ROBO2: variants seen among roughly 807,000 people sequenced by gnomAD.
ROBO2 encodes roundabout homolog 2.
A neutral mutation model predicts 160.8 loss-of-function variants in ROBO2; 53 were observed. The observed-to-expected ratio is 0.33, with a 90% CI of 0.26 to 0.41. ROBO2 has a LOEUF of 0.41. Ranked by LOEUF, ROBO2 falls within the 10% of genes least tolerant of loss-of-function variation. The probability of loss-of-function intolerance (pLI) is 1.00; values close to 1 mark genes in which losing one functional copy is unlikely to be tolerated. For missense variants in ROBO2, 1,577 were observed against 1,722.4 expected (o/e 0.92, Z 1.49); for synonymous variants, 664 against 611.7 (o/e 1.09, Z -1.26).
intron 2 of ROBO2, among the ~76,000 whole-genome samples, chr3:76,010,237 T>A (rs963958845): frequency 2.0e-5 from 3 of 152,204 alleles, no homozygotes; most frequent in Non-Finnish European, 4.4e-5. Flanking sequence ...ATAATTATGA[T>A]AAGGACTCCT....
intron 2 of ROBO2, among the ~76,000 whole-genome samples, chr3:76,810,860 T>G (rs910153580): frequency 5.9e-5 from 9 of 152,182 alleles, no homozygotes; most frequent in Non-Finnish European, 1.2e-4. Context: ...CATTACTATT[T>G]GGAGAAGATA....
intron 2 of ROBO2, among the ~76,000 whole-genome samples, chr3:76,117,795 C>G (rs2070540942): frequency 6.6e-6 from 1 of 151,982 alleles, no homozygotes; most frequent in Admixed American, 6.6e-5. Context: ...GAATTTTAAA[C>G]AAAAACTATC....
Position 77,622,422 on chromosome 3 carries a change from C to A in ROBO2, c.3750C>A (p.Ser1250Arg), listed in dbSNP as rs371120382. The change falls in exon 23 of 26, where the codon AGC (serine) becomes AGA (arginine). Residue 1250 changes from serine to arginine, a missense_variant. This residue lies in a region of ROBO2 where 637 missense variants were observed against 586.9 expected (regional missense o/e 1.09). Transcript: ENST00000461745. Reference sequence around the variant, plus strand: ...GATCCAGCATGGACAATCTAGACAGCTCTGTGACAGGTAACGGAACCAATT... The same window carrying A: ...GATCCAGCATGGACAATCTAGACAGATCTGTGACAGGTAACGGAACCAATT... The A allele has an allele frequency of 2.5e-6, 4 of 1,613,944 alleles. No homozygotes were observed. In the African/African-American group the frequency reaches 5.3e-5, roughly 22 times the overall value.
At chr3:77,555,541 G>A (rs568646037) in intron 8 of ROBO2, among the ~76,000 whole-genome samples, 178 of 151,326 alleles carry the variant, frequency 1.2e-3, no homozygotes, top group African/African-American at 4.1e-3. Flanking sequence ...AAAGACTTCC[G>A]CATTAGTTCA....
chr3:76,669,342 C>CA (rs1280549097), intron 2 of ROBO2, among the ~76,000 whole-genome samples: 1 of 152,086 alleles, frequency 6.6e-6, no homozygotes, highest in Non-Finnish European at 1.5e-5. Flanking sequence ...ATAAAAAAGG[C>CA]AAAAACTTAA....
chr3:75,941,270 T>C (rs1948042668), intron 2 of ROBO2, among the ~76,000 whole-genome samples: 1 of 152,128 alleles, frequency 6.6e-6, no homozygotes, highest in Admixed American at 6.6e-5. Flanking sequence ...AATATTTCTG[T>C]CTTAATGGCT....
At chr3:76,434,646 A>G in intron 2 of ROBO2, 2 of 1,315,584 alleles carry the variant, frequency 1.5e-6, no homozygotes, top group Non-Finnish European at 2.2e-6. Flanking sequence ...AAAAGAACTG[A>G]GTGGACTCTG....
intron 2 of ROBO2, among the ~76,000 whole-genome samples, chr3:76,786,524 G>A (rs1183017555): frequency 2.6e-5 from 4 of 151,252 alleles, no homozygotes; most frequent in Non-Finnish European, 4.4e-5. Context: ...CAGATCTTTT[G>A]AGAACTCTAT....
rs188700354 is a variant in ROBO2 at position 76,300,032 on chromosome 3, A to C, written c.109+362430A>C. Among the ~76,000 whole-genome samples the C allele has an allele frequency of 6.2e-3, 944 of 152,236 alleles. 7 individuals are homozygous for C. The highest frequency in any genetic ancestry group is 0.021 in the African/African-American group (853 of 41,550). On this transcript the variant is annotated intron_variant, in intron 2 of 26. Transcript: ENST00000487694. Reference sequence around the variant, plus strand: ...CAAATTATCACAAACTTCACAGCTAAAAATAACATCCAATAATTAGCTTTC... The same window carrying C: ...CAAATTATCACAAACTTCACAGCTACAAATAACATCCAATAATTAGCTTTC...
At chr3:76,137,343 C>A (rs1453881868) in intron 2 of ROBO2, among the ~76,000 whole-genome samples, 1 of 151,786 alleles carries the variant, frequency 6.6e-6, no homozygotes, top group Non-Finnish European at 1.5e-5. Flanking sequence ...TCTTGGTTGC[C>A]GAAAACGTCC....
intron 1 of ROBO2, among the ~76,000 whole-genome samples, chr3:77,092,589 AAAT>A (rs1578892124): frequency 7.1e-6 from 1 of 140,800 alleles, no homozygotes; most frequent in Admixed American, 7.3e-5. Flanking sequence ...TATTTTAATT[AAAT>A]AATATATATT....
intron 2 of ROBO2, among the ~76,000 whole-genome samples, chr3:76,282,797 C>T (rs563657420): frequency 6.6e-6 from 1 of 151,852 alleles, no homozygotes; most frequent in South Asian, 2.1e-4. Flanking sequence ...GATTATTTCA[C>T]GTTTCTAACT....
chr3:77,430,659 AC>A (rs2078675040), intron 2 of ROBO2, among the ~76,000 whole-genome samples: 1 of 151,976 alleles, frequency 6.6e-6, no homozygotes, highest in Non-Finnish European at 1.5e-5. Context: ...TCCTTCCACT[AC>A]AGGAGGGCAC....
chr3:76,179,612 G>A (rs763115619), intron 2 of ROBO2, among the ~76,000 whole-genome samples: 30 of 151,870 alleles, frequency 2.0e-4, no homozygotes, highest in Non-Finnish European at 3.5e-4. Flanking sequence ...CTGCAAACTT[G>A]GCTTCCCGTA....
intron 16 of ROBO2, among the ~76,000 whole-genome samples, chr3:77,588,082 A>C (rs1349412175): frequency 2.0e-5 from 3 of 152,032 alleles, no homozygotes; most frequent in African/African-American, 7.2e-5. Flanking sequence ...TTGTTCTTTA[A>C]ATTTAGCTTT....
chr3:76,665,562 A>G (rs1318014741), intron 2 of ROBO2, among the ~76,000 whole-genome samples: 1 of 151,668 alleles, frequency 6.6e-6, no homozygotes, highest in Non-Finnish European at 1.5e-5. Context: ...GCTTAAGGCC[A>G]ATGATGGAAC....
At chr3:76,450,269 GAC>G (rs2077408626) in intron 2 of ROBO2, among the ~76,000 whole-genome samples, 1 of 152,116 alleles carries the variant, frequency 6.6e-6, no homozygotes, top group Non-Finnish European at 1.5e-5. Flanking sequence ...TTAAAAGAGT[GAC>G]AAATTTCAGG....
intron 2 of ROBO2, among the ~76,000 whole-genome samples, chr3:77,155,127 G>T (rs1344384002): frequency 6.6e-6 from 1 of 152,058 alleles, no homozygotes; most frequent in Non-Finnish European, 1.5e-5. Flanking sequence ...CGTATGGTCA[G>T]TGCTCAGTAA....
intron 2 of ROBO2, among the ~76,000 whole-genome samples, chr3:77,011,176 T>A (rs1317946497): frequency 1.4e-5 from 2 of 144,932 alleles, no homozygotes; most frequent in Non-Finnish European, 1.5e-5. Flanking sequence ...CATTCCATCC[T>A]TCCTTTCTTC....
Sources: allele counts gnomAD v4.1 joint callset (sites outside exome capture counted in the v4.1 genomes callset), GRCh38; gene constraint gnomAD v4.1.1; regional missense constraint gnomAD v4.1.1; transcripts MANE v1.5; gene names NCBI Gene and HGNC (gene_info 2026-07-23, HGNC 2026-07-21).